Variants in SEMA5A observed in about 807,000 individuals in gnomAD.
SEMA5A encodes semaphorin 5A.
In SEMA5A, 55 loss-of-function variants were observed where a neutral mutation model predicts 135.5. That is an observed-to-expected ratio of 0.41 (90% CI 0.33 to 0.51). The LOEUF is 0.51. Ranked by LOEUF, SEMA5A falls within the 20% of genes least tolerant of loss-of-function variation. The pLI is 0.37. For synonymous variants in SEMA5A, 580 were observed against 546.5 expected (o/e 1.06, Z -0.85); for missense variants, 1,290 against 1,419.9 (o/e 0.91, Z 1.47).
At chr5:9,446,449 A>C (rs1758437617) in intron 1 of SEMA5A, among the ~76,000 whole-genome samples, 1 of 152,116 alleles carries the variant, frequency 6.6e-6, no homozygotes, top group African/African-American at 2.4e-5. Flanking sequence ...AATAGTGAAT[A>C]CTTTCTTATT....
intron 1 of SEMA5A, among the ~76,000 whole-genome samples, chr5:9,466,165 C>T (rs1759251557): frequency 6.6e-6 from 1 of 151,802 alleles, no homozygotes; most frequent in Non-Finnish European, 1.5e-5. Context: ...CACTGGGAAA[C>T]AGGATTAAAT....
At chr5:9,078,600 C>G (rs1409413118) in intron 16 of SEMA5A, among the ~76,000 whole-genome samples, 2 of 150,910 alleles carry the variant, frequency 1.3e-5, no homozygotes, top group Non-Finnish European at 2.9e-5. Context: ...CACACACACA[C>G]ACACACACAC....
intron 11 of SEMA5A, among the ~76,000 whole-genome samples, chr5:9,167,400 T>G (rs1386547871): frequency 2.6e-5 from 4 of 152,198 alleles, no homozygotes; most frequent in African/African-American, 7.2e-5. Context: ...CTCCCCTTTG[T>G]ATCAAATCTG....
rs1735602988 is a variant in SEMA5A, at chr5:9,035,576, A to T, written c.*7321T>A. 6.6e-6 allele frequency: 1 copy of T among 152,196 alleles called. No individual in the cohort carries two copies. Among genetic ancestry groups the T allele is most frequent in the Admixed American group, 6.5e-5 (1 of 15,274 alleles). The allele number at this position is 152,196 out of a possible 1,614,324, so 9.4% of individuals were successfully genotyped here. A position where few individuals can be genotyped will look rare whatever the true frequency, so the allele number is the denominator to read the frequency against. On this transcript the variant is annotated 3_prime_UTR_variant, in exon 23 of 23. Transcript: ENST00000382496. ...AGATGTCATTAAGCAACAATCTGGG[A>T]TACAGACCTAGACAGCTCTCAGGAA... is the stretch of plus-strand genomic sequence containing the variant.
chr5:9,044,011 C>T (rs879791258), intron 22 of SEMA5A, among the ~76,000 whole-genome samples: 3 of 152,094 alleles, frequency 2.0e-5, no homozygotes, highest in African/African-American at 4.8e-5. Flanking sequence ...CCAGGAGGGG[C>T]GTGTTATTAA....
At chr5:9,216,064 C>T (rs1166504348) in intron 8 of SEMA5A, among the ~76,000 whole-genome samples, 1 of 152,164 alleles carries the variant, frequency 6.6e-6, no homozygotes, top group Non-Finnish European at 1.5e-5. Context: ...TTCTCTAATT[C>T]TTTCCATTGT....
At chr5:9,048,398 C>T (rs1342986286) in intron 21 of SEMA5A, among the ~76,000 whole-genome samples, 2 of 152,140 alleles carry the variant, frequency 1.3e-5, no homozygotes, top group African/African-American at 2.4e-5. Flanking sequence ...TCTATAATTC[C>T]CAAGTGCAAA....
At chr5:9,535,969 G>A (rs1231399425) in intron 1 of SEMA5A, among the ~76,000 whole-genome samples, 2 of 152,078 alleles carry the variant, frequency 1.3e-5, no homozygotes, top group Non-Finnish European at 2.9e-5. Context: ...GTCTATAGGC[G>A]CCAACATGAA....
intron 5 of SEMA5A, among the ~76,000 whole-genome samples, chr5:9,301,483 G>C (rs1204927328): frequency 6.6e-6 from 1 of 152,158 alleles, no homozygotes; most frequent in Non-Finnish European, 1.5e-5. Context: ...CATAAACTCA[G>C]GGAGTCAAAG....
intron 1 of SEMA5A, among the ~76,000 whole-genome samples, chr5:9,507,358 T>C (rs1330885924): frequency 6.6e-6 from 1 of 152,218 alleles, no homozygotes; most frequent in Non-Finnish European, 1.5e-5. Context: ...TCTGGTGCAG[T>C]ACGACTTCCC....
At chr5:9,214,475 G>T (rs1216028157) in intron 8 of SEMA5A, among the ~76,000 whole-genome samples, 1 of 152,172 alleles carries the variant, frequency 6.6e-6, no homozygotes, top group African/African-American at 2.4e-5. Flanking sequence ...ACCTGGAACT[G>T]CAGTATAAAA....
intron 16 of SEMA5A, among the ~76,000 whole-genome samples, chr5:9,080,046 G>C (rs1427325844): frequency 6.6e-6 from 1 of 151,972 alleles, no homozygotes; most frequent in Non-Finnish European, 1.5e-5. Context: ...CCCATTACTG[G>C]GTATATATCC....
chr5:9,307,052 C>T lies in SEMA5A; in HGVS notation c.270+11320G>A, dbSNP rs538283617. 3.3e-5 allele frequency among the ~76,000 whole-genome samples: 5 copies of T among 152,302 alleles called. No individual in the cohort carries two copies. In the South Asian group the frequency reaches 1.0e-3, roughly 32 times the overall value. ...TAGTAGGGAATTTCTGCATGGGCAA[C>T]TTGCCTCTGCGATCTAAGATGCATG... On this transcript the variant is annotated intron_variant, in intron 5 of 22. Coordinates refer to ENST00000382496, the MANE Select transcript of SEMA5A (RefSeq NM_003966.3).
intron 2 of SEMA5A, among the ~76,000 whole-genome samples, chr5:9,382,472 A>T (rs950749388): frequency 5.3e-5 from 8 of 152,208 alleles, no homozygotes; most frequent in Admixed American, 4.6e-4. Flanking sequence ...AGATTTCAAG[A>T]TAAATAAAAC....
At chr5:9,058,444 T>G (rs1737009759) in intron 18 of SEMA5A, among the ~76,000 whole-genome samples, 2 of 152,312 alleles carry the variant, frequency 1.3e-5, no homozygotes, top group African/African-American at 2.4e-5. Flanking sequence ...GCTCAAGAAA[T>G]ACTGGTTCAT....
At chr5:9,132,288 C>T (rs975428912) in intron 13 of SEMA5A, among the ~76,000 whole-genome samples, 3 of 152,124 alleles carry the variant, frequency 2.0e-5, no homozygotes, top group Non-Finnish European at 4.4e-5. Context: ...TAAGCCACTG[C>T]CATGGCCTGA....
intron 1 of SEMA5A, among the ~76,000 whole-genome samples, chr5:9,443,929 C>T (rs184547490): frequency 1.3e-5 from 2 of 152,324 alleles, no homozygotes; most frequent in African/African-American, 2.4e-5. Flanking sequence ...GCAGCCAGCC[C>T]CAACCACTCT....
At chr5:9,199,798 T>G (rs185080772) in intron 9 of SEMA5A, among the ~76,000 whole-genome samples, 54 of 152,324 alleles carry the variant, frequency 3.5e-4, no homozygotes, top group Non-Finnish European at 6.3e-4. Flanking sequence ...TACCTAGAAA[T>G]AAAGCCAAAT....
At chr5:9,270,780 GA>G (rs201821913) in intron 5 of SEMA5A, among the ~76,000 whole-genome samples, 36 of 149,514 alleles carry the variant, frequency 2.4e-4, no homozygotes, top group Non-Finnish European at 3.0e-4. Flanking sequence ...GGTCAAAAAA[GA>G]AAAAAAAATA....
Sources: allele counts gnomAD v4.1 joint callset (sites outside exome capture counted in the v4.1 genomes callset), GRCh38; gene constraint gnomAD v4.1.1; transcripts MANE v1.5; gene names NCBI Gene and HGNC (gene_info 2026-07-23, HGNC 2026-07-21).